The following LRRC20 variants were observed in gnomAD, a reference collection of about 807,000 sequenced individuals.
The protein encoded by LRRC20 is leucine rich repeat containing 20.
Under a neutral mutation model 14.4 loss-of-function variants are expected in LRRC20, and 11 were observed. The observed-to-expected ratio is 0.77, with a 90% CI of 0.48 to 1.27. The LOEUF is 1.27. Among genes scored for constraint, LRRC20 ranks in the 50% most tolerant of loss-of-function variants. LRRC20 has a pLI of 0.00. For missense variants in LRRC20, 219 were observed against 251.2 expected (o/e 0.87, Z 0.87); for synonymous variants, 121 against 107.3 (o/e 1.13, Z -0.79).
intron 3 of LRRC20, among the ~76,000 whole-genome samples, chr10:70,327,163 T>C (rs1333075216): frequency 6.6e-6 from 1 of 152,222 alleles, no homozygotes; most frequent in Admixed American, 6.5e-5. Context: ...CTGTGATGGT[T>C]AATTTTATTT....
Position 70,364,769 on chromosome 10 carries a change from C to T in LRRC20, c.82+11683G>A, listed in dbSNP as rs149479770. 2.4e-3 allele frequency among the ~76,000 whole-genome samples: 367 copies of T among 152,288 alleles called. 2 individuals carry two copies. Among genetic ancestry groups the T allele is most frequent in the Middle Eastern group, 0.014 (4 of 294 alleles). The stretch of plus-strand genomic sequence containing the variant: ...AGGGACGAAAGGTGGACACACCCCT[C>T]GCGCTAGCCTTGGTCTCCCTGTTTG... On this transcript the variant is annotated intron_variant, in intron 2 of 4. Coordinates refer to ENST00000446961, the MANE Select transcript of LRRC20 (RefSeq NM_001278212.2).
chr10:70,335,192 G>GA (rs1344726876), intron 3 of LRRC20, among the ~76,000 whole-genome samples: 1 of 152,180 alleles, frequency 6.6e-6, no homozygotes, highest in African/African-American at 2.4e-5. Context: ...TGGTGCTGCT[G>GA]AAAAATCAGA....
At chr10:70,353,443 A>G (rs1376525527) in intron 2 of LRRC20, among the ~76,000 whole-genome samples, 3 of 152,090 alleles carry the variant, frequency 2.0e-5, no homozygotes, top group African/African-American at 7.2e-5. Context: ...TTTGAGACAG[A>G]GTCTCACTCT....
intron 3 of LRRC20, among the ~76,000 whole-genome samples, chr10:70,329,981 G>A (rs1251319968): frequency 6.6e-6 from 1 of 152,172 alleles, no homozygotes; most frequent in East Asian, 1.9e-4. Context: ...CTTATACATT[G>A]CCGAATTTGA....
intron 3 of LRRC20, among the ~76,000 whole-genome samples, chr10:70,334,915 G>T (rs942182749): frequency 1.3e-5 from 2 of 152,152 alleles, no homozygotes; most frequent in South Asian, 2.1e-4. Flanking sequence ...TCTCTGGCAG[G>T]CACCAGGAGC....
chr10:70,304,214 G>A (rs531217106), intron 4 of LRRC20, among the ~76,000 whole-genome samples: 281 of 152,016 alleles, frequency 1.8e-3, no homozygotes, highest in African/African-American at 6.5e-3. Flanking sequence ...GTGAGCAGCC[G>A]GATCCCAGAA....
intron 2 of LRRC20, among the ~76,000 whole-genome samples, chr10:70,344,697 G>C (rs1843017926): frequency 6.6e-6 from 1 of 152,132 alleles, no homozygotes; most frequent in Non-Finnish European, 1.5e-5. Context: ...TTCCCGGGTA[G>C]CTGGGACTAC....
At chr10:70,336,362 A>G (rs1338431628) in intron 3 of LRRC20, among the ~76,000 whole-genome samples, 1 of 152,218 alleles carries the variant, frequency 6.6e-6, no homozygotes, top group East Asian at 1.9e-4. Context: ...TGCCCAGGAA[A>G]CCAACCCATG....
intron 2 of LRRC20, among the ~76,000 whole-genome samples, chr10:70,363,558 G>T (rs1018697877): frequency 1.4e-4 from 21 of 152,196 alleles, no homozygotes; most frequent in African/African-American, 4.8e-4. Context: ...CTTGCCTCAA[G>T]TGGGTAGAGG....
chr10:70,381,001 GGAGA>G (rs1034269145), intron 1 of LRRC20, among the ~76,000 whole-genome samples: 1 of 152,168 alleles, frequency 6.6e-6, no homozygotes, highest in Non-Finnish European at 1.5e-5. Context: ...AAGAGATTCA[GGAGA>G]GAGAGAGACA....
chr10:70,335,984 C>T (rs555231406), intron 3 of LRRC20, among the ~76,000 whole-genome samples: 1 of 152,322 alleles, frequency 6.6e-6, no homozygotes, highest in South Asian at 2.1e-4. Flanking sequence ...CACCGCCCCT[C>T]ACATTATGAC....
chr10:70,308,276 G>A (rs997519195), intron 4 of LRRC20, among the ~76,000 whole-genome samples: 1 of 152,152 alleles, frequency 6.6e-6, no homozygotes. Context: ...TGAAAGTTGC[G>A]AAAACCCAGG....
chr10:70,324,033 G>T lies in LRRC20; in HGVS notation c.233-3C>A. 1 of 1,613,724 alleles carries T rather than the reference G, an allele frequency of 6.2e-7. No individual in the cohort carries two copies. The highest frequency in any genetic ancestry group is 8.5e-7 in the Non-Finnish European group (1 of 1,179,948). On this transcript the variant is annotated splice_region_variant and splice_polypyrimidine_tract_variant and intron_variant, in intron 3 of 4. Transcript: ENST00000446961. ...GAAGTTCCCCTCCAGGTGGAGCTCT[G>T]CCACGTGCAGGGAAGGAGAGAGAAC...
chr10:70,381,350 CG>C (rs1437477752), intron 1 of LRRC20: 1 of 152,232 alleles, frequency 6.6e-6, no homozygotes, highest in Non-Finnish European at 1.5e-5. Context: ...CAGACAAAAA[CG>C]TTGTCCTGCT....
intron 4 of LRRC20, among the ~76,000 whole-genome samples, chr10:70,314,548 AT>A (rs1841787333): frequency 6.6e-6 from 1 of 152,172 alleles, no homozygotes. Context: ...GGGCAACTAC[AT>A]TGAGAGCTTT....
rs957526699 is a variant in LRRC20, at chr10:70,370,543, C to T, written c.82+5909G>A. Among the ~76,000 whole-genome samples the T allele has an allele frequency of 2.0e-5, 3 of 152,196 alleles. No individual in the cohort carries two copies. The East Asian group carries it at 5.8e-4, about 29-fold the overall frequency. On this transcript the variant is annotated intron_variant, in intron 2 of 4. Coordinates refer to ENST00000446961, the MANE Select transcript of LRRC20 (RefSeq NM_001278212.2). ...CTGAGGCTGGGAGTTCAAGACTAGCCTGGCTAACATGATGAAACCCTGTCT... is the reference window on the plus strand; with the variant it reads ...CTGAGGCTGGGAGTTCAAGACTAGCTTGGCTAACATGATGAAACCCTGTCT...
intron 4 of LRRC20, among the ~76,000 whole-genome samples, chr10:70,320,256 T>C (rs1194378504): frequency 6.6e-6 from 1 of 151,918 alleles, no homozygotes; most frequent in African/African-American, 2.4e-5. Flanking sequence ...TTTTTCGTCA[T>C]GACTAAGAGT....
chr10:70,303,504 C>T (rs1395046963), intron 4 of LRRC20, among the ~76,000 whole-genome samples: 3 of 152,188 alleles, frequency 2.0e-5, no homozygotes, highest in Non-Finnish European at 4.4e-5. Context: ...ACAAACATAT[C>T]TCCTGTCCCA....
At chr10:70,362,411 C>T (rs768153370) in intron 2 of LRRC20, among the ~76,000 whole-genome samples, 8 of 152,216 alleles carry the variant, frequency 5.3e-5, no homozygotes, top group Non-Finnish European at 1.2e-4. Flanking sequence ...TCATCCACAG[C>T]TTTGTGGTAT....
Sources: gnomAD v4.1 joint callset for allele counts (sites outside exome capture counted in the v4.1 genomes callset) on GRCh38, gnomAD v4.1.1 for gene constraint, MANE v1.5 for transcripts, NCBI Gene and HGNC (gene_info 2026-07-23, HGNC 2026-07-21) for gene names.